The following CNTNAP2 variants were observed in gnomAD, a reference collection of about 807,000 sequenced individuals.
CNTNAP2 encodes contactin-associated protein-like 2.
A neutral mutation model predicts 155.2 loss-of-function variants in CNTNAP2; 98 were observed. The observed-to-expected ratio is 0.63, with a 90% CI of 0.54 to 0.75. The LOEUF (loss-of-function observed/expected upper bound fraction) is 0.75. CNTNAP2 is among the 30% of genes least tolerant of loss of function. The probability of loss-of-function intolerance (pLI) is 0.00; values close to 1 mark genes in which losing one functional copy is unlikely to be tolerated. For missense variants in CNTNAP2, 1,727 were observed against 1,688.1 expected (o/e 1.02, Z -0.40); for synonymous variants, 651 against 631.2 (o/e 1.03, Z -0.47).
At chr7:148,315,009 G>A (rs1797662656) in intron 21 of CNTNAP2, among the ~76,000 whole-genome samples, 1 of 152,180 alleles carries the variant, frequency 6.6e-6, no homozygotes. Flanking sequence ...GAAAGAGGTT[G>A]AGGGATAGTG....
chr7:146,385,605 G>C lies in CNTNAP2; in HGVS notation c.97+268632G>C, dbSNP rs1795449354. ...ACTTGAATTTGGATGAGATTTATTT[G>C]ATCTTCTCACCTAAATTCCATTTAT... On this transcript the variant is annotated intron_variant, in intron 1 of 23. Coordinates refer to ENST00000361727, the MANE Select transcript of CNTNAP2 (RefSeq NM_014141.6). 3.3e-5 allele frequency among the ~76,000 whole-genome samples: 5 copies of C among 152,114 alleles called. No individual in the cohort carries two copies. In the South Asian group the frequency reaches 1.0e-3, roughly 32 times the overall value.
intron 1 of CNTNAP2, among the ~76,000 whole-genome samples, chr7:146,487,398 A>T (rs1207629417): frequency 1.3e-5 from 2 of 152,216 alleles, no homozygotes; most frequent in Non-Finnish European, 2.9e-5. Flanking sequence ...TTGCAAACAT[A>T]TGTCTCGTAG....
At chr7:147,387,146 T>C (rs1415937387) in intron 9 of CNTNAP2, among the ~76,000 whole-genome samples, 4 of 152,242 alleles carry the variant, frequency 2.6e-5, no homozygotes, top group African/African-American at 9.6e-5. Context: ...ATGGAAATTG[T>C]GGGAGTTACA....
intron 19 of CNTNAP2, among the ~76,000 whole-genome samples, chr7:148,228,912 G>A (rs931634630): frequency 2.6e-5 from 4 of 151,902 alleles, no homozygotes; most frequent in Admixed American, 1.3e-4. Context: ...TTGCTGACGG[G>A]GTGAGAACAT....
chr7:146,198,959 T>C (rs1367442251), intron 1 of CNTNAP2, among the ~76,000 whole-genome samples: 1 of 152,230 alleles, frequency 6.6e-6, no homozygotes, highest in Non-Finnish European at 1.5e-5. Flanking sequence ...TACATTTCCC[T>C]AATCTCTACT....
At chr7:146,302,474 G>A (rs1800628120) in intron 1 of CNTNAP2, among the ~76,000 whole-genome samples, 1 of 152,128 alleles carries the variant, frequency 6.6e-6, no homozygotes, top group Non-Finnish European at 1.5e-5. Context: ...CTATTTCAGA[G>A]ATAGTATTAA....
intron 1 of CNTNAP2, among the ~76,000 whole-genome samples, chr7:146,193,006 C>CA (rs1798728082): frequency 6.6e-6 from 1 of 152,168 alleles, no homozygotes; most frequent in African/African-American, 2.4e-5. Context: ...GAGAGGCAGT[C>CA]AAATCTTAAA....
In CNTNAP2 at chr7:146,246,692, C is replaced by T. The variant is rs535965506; in HGVS notation, c.97+129719C>T. 8.3e-4 allele frequency among the ~76,000 whole-genome samples: 126 copies of T among 151,048 alleles called. 1 individual carries two copies. The highest frequency in any genetic ancestry group is 2.9e-3 in the African/African-American group (117 of 40,422). ...ATCTGGGAAGGAGTCAGAGAGCCTT[C>T]GGCCAGAGTTCCAGGGGCTCTGGGA... On this transcript the variant is annotated intron_variant, in intron 1 of 23. Coordinates refer to ENST00000361727, the MANE Select transcript of CNTNAP2 (RefSeq NM_014141.6).
chr7:146,988,492 G>A (rs1286807236), intron 3 of CNTNAP2, among the ~76,000 whole-genome samples: 2 of 152,028 alleles, frequency 1.3e-5, no homozygotes, highest in Admixed American at 6.6e-5. Context: ...CCTTTGAAAT[G>A]CTTAAACTTT....
At chr7:146,814,235 G>T (rs569097643) in intron 2 of CNTNAP2, among the ~76,000 whole-genome samples, 1 of 152,146 alleles carries the variant, frequency 6.6e-6, no homozygotes, top group African/African-American at 2.4e-5. Context: ...AACAGATCTG[G>T]AATTGAATCT....
At chr7:147,574,015 G>A (rs1800343719) in intron 12 of CNTNAP2, among the ~76,000 whole-genome samples, 1 of 152,062 alleles carries the variant, frequency 6.6e-6, no homozygotes, top group Non-Finnish European at 1.5e-5. Flanking sequence ...TTTGCTGGGT[G>A]TTCACTTTAA....
At chr7:148,148,485 C>G (rs1805237504) in intron 17 of CNTNAP2, among the ~76,000 whole-genome samples, 1 of 152,214 alleles carries the variant, frequency 6.6e-6, no homozygotes, top group African/African-American at 2.4e-5. Flanking sequence ...GTTTGAAGGA[C>G]TTTGTGGATG....
intron 1 of CNTNAP2, among the ~76,000 whole-genome samples, chr7:146,206,181 TAAAG>T (rs1396955436): frequency 2.6e-5 from 4 of 152,056 alleles, no homozygotes; most frequent in Middle Eastern, 3.4e-3. Context: ...TGTATGCTGT[TAAAG>T]AAAGAGTGTG....
intron 3 of CNTNAP2, among the ~76,000 whole-genome samples, chr7:146,931,748 A>G (rs1213802919): frequency 6.7e-6 from 1 of 149,856 alleles, no homozygotes; most frequent in African/African-American, 2.5e-5. Flanking sequence ...AAAATGATAA[A>G]GGGGATATCA....
At chr7:146,975,956 G>T (rs915561111) in intron 3 of CNTNAP2, among the ~76,000 whole-genome samples, 2 of 152,132 alleles carry the variant, frequency 1.3e-5, no homozygotes, top group Admixed American at 1.3e-4. Flanking sequence ...ACCTTTCATG[G>T]CATAGAGTCA....
rs143751234 is a variant in CNTNAP2 at position 146,144,203 on chromosome 7, G to A, written c.97+27230G>A. Among the ~76,000 whole-genome samples the A allele has an allele frequency of 2.3e-3, 357 of 152,134 alleles. 2 individuals are homozygous for A. Among genetic ancestry groups the A allele is most frequent in the Middle Eastern group, 0.014 (4 of 294 alleles). On this transcript the variant is annotated intron_variant, in intron 1 of 23. Transcript: ENST00000361727. ...GCCTGGCTTTGTTGCCCCAGCTGGA[G>A]TGCAGTAGTGTGATCTCAGCTCACT...
intron 1 of CNTNAP2, among the ~76,000 whole-genome samples, chr7:146,394,856 A>G (rs1478880932): frequency 6.6e-6 from 1 of 152,160 alleles, no homozygotes; most frequent in Non-Finnish European, 1.5e-5. Flanking sequence ...AGAACAGCGT[A>G]CATTGTACCC....
intron 13 of CNTNAP2, among the ~76,000 whole-genome samples, chr7:147,753,605 A>C (rs1162381391): frequency 1.3e-5 from 2 of 152,212 alleles, no homozygotes; most frequent in African/African-American, 4.8e-5. Flanking sequence ...TTTGGAAAAA[A>C]TTTAGATTAT....
At chr7:147,482,767 C>T (rs1208794412) in intron 10 of CNTNAP2, among the ~76,000 whole-genome samples, 1 of 150,096 alleles carries the variant, frequency 6.7e-6, no homozygotes, top group South Asian at 2.1e-4. Flanking sequence ...AATAATCGGC[C>T]GGGGGCTGTG....
Sources: allele counts gnomAD v4.1 joint callset (sites outside exome capture counted in the v4.1 genomes callset), GRCh38; gene constraint gnomAD v4.1.1; transcripts MANE v1.5; gene names NCBI Gene and HGNC (gene_info 2026-07-23, HGNC 2026-07-21).